CCDC3: variants seen among roughly 807,000 people sequenced by gnomAD.
CCDC3 encodes the protein coiled-coil domain-containing protein 3.
Under a neutral mutation model 21.4 loss-of-function variants are expected in CCDC3, and 24 were observed. The ratio of observed to expected loss-of-function variants is 1.12; its 90% confidence interval spans 0.81 to 1.58. The LOEUF is 1.58. Ranked by LOEUF, CCDC3 falls within the 40% of genes most tolerant of loss-of-function variation. The pLI, the probability that CCDC3 is intolerant of heterozygous loss-of-function variation, is 0.00. For synonymous variants in CCDC3, 186 were observed against 166.0 expected, an observed-to-expected ratio of 1.12 and a Z score of -0.93; for missense variants, 425 against 360.9, an observed-to-expected ratio of 1.18 and a Z score of -1.44.
intron 5 of CCDC3, among the ~76,000 whole-genome samples, chr10:13,030,748 A>G (rs573571767): frequency 1.3e-5 from 2 of 152,356 alleles, no homozygotes; most frequent in East Asian, 3.9e-4. Context: ...GAAACAAAGA[A>G]GGCCATTAAA....
chr10:13,029,571 G>A (rs1836271425), intron 5 of CCDC3, among the ~76,000 whole-genome samples: 2 of 152,100 alleles, frequency 1.3e-5, no homozygotes, highest in African/African-American at 2.4e-5. Context: ...CGAACCCATC[G>A]CAAAGAAGCT....
chr10:13,047,609 G>A (rs1836545645), intron 5 of CCDC3, among the ~76,000 whole-genome samples: 1 of 152,086 alleles, frequency 6.6e-6, no homozygotes. Context: ...CACACAGAAT[G>A]CCTGGGTACA....
At chr10:13,085,664 C>A (rs538544321) in intron 3 of CCDC3, among the ~76,000 whole-genome samples, 1 of 152,084 alleles carries the variant, frequency 6.6e-6, no homozygotes. Flanking sequence ...CATAAAACAT[C>A]AGAAATTCAA....
At chr10:12,930,277 G>A (rs1321569305) in intron 2 of CCDC3, among the ~76,000 whole-genome samples, 1 of 152,118 alleles carries the variant, frequency 6.6e-6, no homozygotes, top group East Asian at 1.9e-4. Flanking sequence ...ATTTGGTTTT[G>A]CATTGTGCCC....
intron 2 of CCDC3, among the ~76,000 whole-genome samples, chr10:12,928,655 AC>A (rs1564287415): frequency 1.3e-5 from 2 of 152,190 alleles, no homozygotes; most frequent in African/African-American, 4.8e-5. Flanking sequence ...ATCCAAGTCA[AC>A]CGACCTCCCA....
At chr10:13,025,637 T>C (rs917300152) in intron 5 of CCDC3, among the ~76,000 whole-genome samples, 2 of 152,230 alleles carry the variant, frequency 1.3e-5, no homozygotes, top group Non-Finnish European at 2.9e-5. Flanking sequence ...TACGGTGACA[T>C]TTTGGTCCTC....
chr10:12,905,502 A>G (rs1406442847), intron 2 of CCDC3, among the ~76,000 whole-genome samples: 6 of 152,158 alleles, frequency 3.9e-5, no homozygotes, highest in Admixed American at 6.5e-5. Flanking sequence ...AAAGGGTTTG[A>G]AAAAAACACC....
intron 3 of CCDC3, among the ~76,000 whole-genome samples, chr10:13,081,372 TC>T (rs1447319950): frequency 7.2e-5 from 11 of 152,046 alleles, no homozygotes; most frequent in African/African-American, 2.7e-4. Context: ...CACATCCTCA[TC>T]AAAGGTCAGA....
At chr10:12,935,771 T>C (rs1834727452) in intron 2 of CCDC3, among the ~76,000 whole-genome samples, 2 of 151,952 alleles carry the variant, frequency 1.3e-5, no homozygotes, top group South Asian at 4.2e-4. Context: ...GTTCACGCCA[T>C]TCTCCTGCCT....
chr10:12,972,688 G>A (rs765219213), intron 2 of CCDC3, among the ~76,000 whole-genome samples: 2 of 152,038 alleles, frequency 1.3e-5, no homozygotes, highest in Non-Finnish European at 2.9e-5. Flanking sequence ...GTGGTGGTGG[G>A]TACCTGTAAC....
chr10:13,097,092 G>C (rs776913265), intron 3 of CCDC3, among the ~76,000 whole-genome samples: 1 of 152,170 alleles, frequency 6.6e-6, no homozygotes, highest in Non-Finnish European at 1.5e-5. Context: ...GGTGGAAAGG[G>C]AACACAAGGA....
At chr10:12,954,340 A>G (rs1189025912) in intron 2 of CCDC3, among the ~76,000 whole-genome samples, 1 of 152,250 alleles carries the variant, frequency 6.6e-6, no homozygotes, top group Non-Finnish European at 1.5e-5. Context: ...TTCAACTCAA[A>G]TAGTTTTGAT....
At chr10:13,005,432 G>A (rs963598459), upstream of CCDC3, among the ~76,000 whole-genome samples, 1 of 152,164 alleles carries the variant, frequency 6.6e-6, no homozygotes, top group Non-Finnish European at 1.5e-5. Flanking sequence ...GTAGATTGCT[G>A]CTGCGCACAC....
At chr10:13,054,687 G>T (rs1209877759) in intron 4 of CCDC3, among the ~76,000 whole-genome samples, 1 of 151,970 alleles carries the variant, frequency 6.6e-6, no homozygotes. Flanking sequence ...TCTTTTTTGA[G>T]CCAGAATTTC....
At chr10:13,034,601 T>C (rs1021065822) in intron 5 of CCDC3, among the ~76,000 whole-genome samples, 1 of 152,086 alleles carries the variant, frequency 6.6e-6, no homozygotes, top group Non-Finnish European at 1.5e-5. Context: ...GTTAGGAATG[T>C]ATTAACATTA....
rs1268686275 is a variant in CCDC3, at chr10:12,897,458, A to T, written c.*958T>A. ...GTTTGCATAAAGAAGAAGAGATTGGAATGGCTGGAATGAGCCCTTTGGGAG... is the reference window on the plus strand; with the variant it reads ...GTTTGCATAAAGAAGAAGAGATTGGTATGGCTGGAATGAGCCCTTTGGGAG... On this transcript the variant is annotated 3_prime_UTR_variant, in exon 3 of 3. Coordinates refer to ENST00000378825, the MANE Select transcript of CCDC3 (RefSeq NM_031455.4). 1.3e-5 allele frequency: 2 copies of T among 152,186 alleles called. No homozygotes were observed. The highest frequency in any genetic ancestry group is 2.4e-5 in the African/African-American group (1 of 41,434). The allele number at this position is 152,186 out of a possible 1,614,324, so 9.4% of individuals were successfully genotyped here. A position where few individuals can be genotyped will look rare whatever the true frequency, so the allele number is the denominator to read the frequency against.
rs1466069791 is a variant in CCDC3 at position 12,998,524 on chromosome 10, A to G, written c.375-12T>C. 3 of 1,612,940 alleles carry G rather than the reference A, an allele frequency of 1.9e-6. No homozygotes were observed. The highest frequency in any genetic ancestry group is 2.2e-5 in the East Asian group (1 of 44,888). ...AATTTTCATCCATCCTAATGGAGGAAAAAAAGGCAGACATGTAGGCTAGAC... is the reference window on the plus strand; with the variant it reads ...AATTTTCATCCATCCTAATGGAGGAGAAAAAGGCAGACATGTAGGCTAGAC... On this transcript the variant is annotated splice_polypyrimidine_tract_variant and intron_variant, in intron 1 of 2. Coordinates refer to ENST00000378825, the MANE Select transcript of CCDC3 (RefSeq NM_031455.4).
At chr10:13,072,858 C>CTTTTTTTTTTT (rs1482745185) in intron 4 of CCDC3, among the ~76,000 whole-genome samples, 5 of 96,724 alleles carry the variant, frequency 5.2e-5, no homozygotes, top group Non-Finnish European at 6.0e-5. Context: ...CTTTTCTTTT[C>CTTTTTTTTTTT]TTTTCTTTCT....
chr10:13,041,504 A>ATTTTTTTTTTTTTTTTTT (rs71477255), intron 5 of CCDC3, among the ~76,000 whole-genome samples: 1 of 62,086 alleles, frequency 1.6e-5, no homozygotes, highest in Non-Finnish European at 2.7e-5. Context: ...CTGGCAGATA[A>ATTTTTTTTTTTTTTTTTT]TTTTTTTTTT....
Sources: gnomAD v4.1 joint callset for allele counts (sites outside exome capture counted in the v4.1 genomes callset) on GRCh38, gnomAD v4.1.1 for gene constraint, MANE v1.5 for transcripts, NCBI Gene and HGNC (gene_info 2026-07-23, HGNC 2026-07-21) for gene names.